The following ATG2B variants were observed in gnomAD, a reference collection of about 807,000 sequenced individuals.
The protein encoded by ATG2B is autophagy-related protein 2 homolog B.
Under a neutral mutation model 241.3 loss-of-function variants are expected in ATG2B, and 121 were observed. The ratio of observed to expected loss-of-function variants is 0.50; its 90% CI spans 0.43 to 0.58. The LOEUF (loss-of-function observed/expected upper bound fraction) is 0.58, where lower values mean the gene tolerates loss of function less well. Ranked by LOEUF, ATG2B falls within the 20% of genes least tolerant of loss-of-function variation. The pLI is 0.00. For missense variants in ATG2B, 2,306 were observed against 2,491.6 expected, an observed-to-expected ratio of 0.93 and a Z score of 1.59; for synonymous variants, 858 against 876.6, an observed-to-expected ratio of 0.98 and a Z score of 0.37.
chr14:96,335,131 C>T (rs1887836553), intron 6 of ATG2B, among the ~76,000 whole-genome samples: 1 of 152,142 alleles, frequency 6.6e-6, no homozygotes, highest in South Asian at 2.1e-4. Context: ...AGCTCCATCC[C>T]ACTCTCTTGA....
chr14:96,331,018 C>T (rs568851822), intron 11 of ATG2B, among the ~76,000 whole-genome samples: 1 of 152,340 alleles, frequency 6.6e-6, no homozygotes, highest in South Asian at 2.1e-4. Flanking sequence ...GTCATCTCTG[C>T]TAATGCCAGT....
chr14:96,347,195 C>A lies in ATG2B; in HGVS notation c.309G>T (p.Arg103=). 2 of 1,594,258 alleles carry A rather than the reference C, an allele frequency of 1.3e-6. No individual in the cohort carries two copies. The highest frequency in any genetic ancestry group is 1.7e-6 in the Non-Finnish European group (2 of 1,164,562). Residue 103 remains arginine (R), a synonymous_variant, in exon 2 of 42, where the codon CGG becomes CGT. Transcript: ENST00000359933. ...LEVRGLEMVF[R]PRPRPATGSE... The stretch of plus-strand genomic sequence containing the variant: ...CACACCAACCTGGGCGAGGTCTAGG[C>A]CGGAAGACCATTTCTAATCCTCTCA...
At chr14:96,287,370 A>G (rs773637261) in intron 41 of ATG2B, among the ~76,000 whole-genome samples, 3 of 152,040 alleles carry the variant, frequency 2.0e-5, no homozygotes, top group Non-Finnish European at 2.9e-5. Flanking sequence ...AACAATGTTT[A>G]CAACTTGTAC....
intron 1 of ATG2B, among the ~76,000 whole-genome samples, chr14:96,360,299 CTG>C (rs1332122055): frequency 6.6e-6 from 1 of 152,210 alleles, no homozygotes; most frequent in Admixed American, 6.5e-5. Context: ...CATACTTAAT[CTG>C]TCTTTTCAAA....
intron 5 of ATG2B, 79 bp downstream of exon 5, chr14:96,343,040 C>T: frequency 1.8e-6 from 2 of 1,127,118 alleles, no homozygotes; most frequent in Non-Finnish European, 2.4e-6. Flanking sequence ...ATTATACATC[C>T]TAGCAAAATT....
At position 96,322,740 on chromosome 14, in the gene ATG2B, T is replaced by C; in HGVS notation, c.2541-5A>G. ...GGATTTATTTTCAGTACAATTCTGATAGCAAAGACAATTTTAAAAAGACCA... is the reference window on the plus strand; with the variant it reads ...GGATTTATTTTCAGTACAATTCTGACAGCAAAGACAATTTTAAAAAGACCA... On this transcript the variant is annotated splice_region_variant and splice_polypyrimidine_tract_variant and intron_variant, in intron 16 of 41. Coordinates refer to ENST00000359933, the MANE Select transcript of ATG2B (RefSeq NM_018036.7). The C allele has an allele frequency of 1.9e-6, 3 of 1,607,596 alleles. No homozygotes were observed. The highest frequency in any genetic ancestry group is 2.2e-5 in the East Asian group (1 of 44,792).
At chr14:96,325,203 G>C (rs111768094) in intron 15 of ATG2B, among the ~76,000 whole-genome samples, 32 of 152,000 alleles carry the variant, frequency 2.1e-4, no homozygotes, top group Non-Finnish European at 3.8e-4. Flanking sequence ...CTTCCTTCTA[G>C]GTCCACAGAT....
In ATG2B at chr14:96,338,016, G is replaced by GTATTT. The variant is rs926152815; in HGVS notation, c.924+3501_924+3505dup. 4.9e-3 allele frequency among the ~76,000 whole-genome samples: 751 copies of GTATTT among 152,034 alleles called. 6 individuals are homozygous for GTATTT. The highest frequency in any genetic ancestry group is 0.017 in the African/African-American group (697 of 41,488). ...TTGGTTAAGTATATGCCTAGGTATT[G>GTATTT]TATTTTATTTTATTTTATTTTATTT... On this transcript the variant is annotated intron_variant, in intron 6 of 41. Coordinates refer to ENST00000359933, the MANE Select transcript of ATG2B (RefSeq NM_018036.7).
intron 34 of ATG2B, 85 bp from the exon 35 acceptor site, chr14:96,295,645 A>G: frequency 2.4e-6 from 2 of 843,374 alleles, no homozygotes; most frequent in South Asian, 3.6e-5. Context: ...TTAAACTCAT[A>G]TATTTTACTC....
At chr14:96,350,171 T>C (rs1294084827) in intron 1 of ATG2B, among the ~76,000 whole-genome samples, 3 of 151,874 alleles carry the variant, frequency 2.0e-5, no homozygotes, top group Non-Finnish European at 2.9e-5. Context: ...AATAATAAAA[T>C]AATAAACAAA....
At position 96,295,496 on chromosome 14, in the gene ATG2B, G is replaced by C; in HGVS notation, c.5204C>G (p.Thr1735Ser). The change falls in exon 35 of 42, where the codon ACT becomes AGT. Residue 1735 changes from threonine (T) to serine (S), a missense_variant. By Grantham distance (58) the Thr-to-Ser change is moderately conservative (BLOSUM62 1). Transcript: ENST00000359933. ...ATATTTAATACCTTCTGGATCTGGA[G>C]TCATTTGAAGCTCTACTTCTGCAGA... ...SLSAEVELQM[T>S]PDPEVKKSPG... The C allele has an allele frequency of 6.2e-7, 1 of 1,602,256 alleles. No homozygotes were observed. The highest frequency in any genetic ancestry group is 8.5e-7 in the Non-Finnish European group (1 of 1,175,090).
chr14:96,314,765 A>T (rs1887259612), intron 23 of ATG2B, among the ~76,000 whole-genome samples: 1 of 152,360 alleles, frequency 6.6e-6, no homozygotes, highest in Admixed American at 6.5e-5. Context: ...CAGTGGCACG[A>T]TCTCAGCTCA....
rs1014751056 is a variant in ATG2B at position 96,291,631 on chromosome 14, G to T, written c.5548C>A (p.Leu1850Ile). ...IGLAQLNCSELKLKRLSYRHG... is the reference protein window; with the variant it reads ...IGLAQLNCSEIKLKRLSYRHG... ...CGATAGGAAAGCCTCTTGAGCTTTA[G>T]TTCAGAGCAGTTTAACTGAGCCAGA... Residue 1850 changes from leucine (L) to isoleucine (I), a missense_variant, in exon 38 of 42, where the codon CTA becomes ATA. By Grantham distance (5) the Leu-to-Ile change is conservative. This residue lies in a region of ATG2B where 379 missense variants were observed against 480.4 expected (regional missense o/e 0.79). Coordinates refer to ENST00000359933, the MANE Select transcript of ATG2B (RefSeq NM_018036.7). 1.2e-6 allele frequency: 2 copies of T among 1,608,654 alleles called. No individual in the cohort carries two copies. Among genetic ancestry groups the T allele is most frequent in the Non-Finnish European group, 1.7e-6 (2 of 1,176,568 alleles).
Position 96,291,747 on chromosome 14 carries a change from T to C in ATG2B, c.5497-65A>G, listed in dbSNP as rs879861659. 1.7e-5 allele frequency: 20 copies of C among 1,165,286 alleles called. No individual in the cohort carries two copies. The African/African-American group carries it at 1.8e-4, about 11-fold the overall frequency. 72.2% of individuals were successfully genotyped at this position (1,165,286 alleles called of 1,614,324 possible). A position where few individuals can be genotyped will look rare whatever the true frequency, so the allele number is the denominator to read the frequency against. On this transcript the variant is annotated intron_variant, in intron 37 of 41. Transcript: ENST00000359933. Reference sequence around the variant, plus strand: ...TTAAGAGACTCAACATCTAAAATAATTGTTATTTTGAAAGTCAAAGCAGTA... The same window carrying C: ...TTAAGAGACTCAACATCTAAAATAACTGTTATTTTGAAAGTCAAAGCAGTA...
chr14:96,290,586 T>C lies in ATG2B; in HGVS notation c.5706A>G (p.Gln1902=). 3 of 1,614,084 alleles carry C rather than the reference T, an allele frequency of 1.9e-6. No homozygotes were observed. Among genetic ancestry groups the C allele is most frequent in the South Asian group, 2.2e-5 (2 of 91,066 alleles). The change falls in exon 40 of 42, where the codon CAA becomes CAG. Residue 1902 remains glutamine (Q), a synonymous_variant. Transcript: ENST00000359933. This position sits in a 1 kb window ranked among gnomAD's most constrained non-coding sequence, Gnocchi z 4.4. ...GGAGCCAGACCAAGTCCTTTAGGCC[T>C]TGTACTACAACAGTCAACACAAAAT... ...GPMHSLVQLV[Q]GLKDLVWLPI... is the part of the protein sequence containing the mutation.
rs146817432 is a variant in ATG2B at position 96,312,401 on chromosome 14, C to T, written c.3843-242G>A. Among the ~76,000 whole-genome samples the T allele has an allele frequency of 4.9e-4, 75 of 152,184 alleles. 1 individual carries two copies. The highest frequency in any genetic ancestry group is 3.4e-3 in the Middle Eastern group (1 of 294). ...ACTCAAATTAATTCTAAATTTTTGG[C>T]AGTTTTTAAAGAGATGCCCAAATTC... On this transcript the variant is annotated intron_variant, in intron 25 of 41. Transcript: ENST00000359933.
rs141278875 is a variant in ATG2B, at chr14:96,303,768, C to T, written c.4843-513G>A. Among the ~76,000 whole-genome samples, 710 of 152,208 alleles carry T rather than the reference C, an allele frequency of 4.7e-3. 7 individuals are homozygous for T. Among genetic ancestry groups the T allele is most frequent in the African/African-American group, 0.017 (691 of 41,518 alleles). ...GATAAGGGGGACTATGTGGACCCTA[C>T]CATACACAGAGAAGCTTGACTAATA... On this transcript the variant is annotated intron_variant, in intron 32 of 41. Coordinates refer to ENST00000359933, the MANE Select transcript of ATG2B (RefSeq NM_018036.7).
chr14:96,291,146 C>T (rs1426243084), intron 38 of ATG2B, among the ~76,000 whole-genome samples: 1 of 152,106 alleles, frequency 6.6e-6, no homozygotes, highest in East Asian at 1.9e-4. Context: ...TATACATATA[C>T]ATACATACAC....
At position 96,289,224 on chromosome 14, in the gene ATG2B, T is replaced by A. The variant is rs141737941; in HGVS notation, c.6006+432A>T. Among the ~76,000 whole-genome samples, 1 of 152,276 alleles carries A rather than the reference T, an allele frequency of 6.6e-6. No individual in the cohort carries two copies. The highest frequency in any genetic ancestry group is 1.9e-4 in the East Asian group (1 of 5,182). ...AAAATACATACATAATAAAACTATA[T>A]AAAAACATGTACAAAAAAATATGTT... On this transcript the variant is annotated intron_variant, in intron 41 of 41. Coordinates refer to ENST00000359933, the MANE Select transcript of ATG2B (RefSeq NM_018036.7). This position sits in a 1 kb window ranked among gnomAD's most constrained non-coding sequence, Gnocchi z 4.3.
Sources: gnomAD v4.1 joint callset for allele counts (sites outside exome capture counted in the v4.1 genomes callset) on GRCh38, gnomAD v4.1.1 for gene constraint, gnomAD v4.1.1 regional missense constraint, Gnocchi (gnomAD v3.1) non-coding constraint, MANE v1.5 for transcripts, NCBI Gene and HGNC (gene_info 2026-07-23, HGNC 2026-07-21) for gene names.